Variants in CAPRIN1 observed in about 807,000 individuals in gnomAD.
The protein encoded by CAPRIN1 is caprin-1.
In CAPRIN1, 29 loss-of-function variants were observed where a neutral mutation model predicts 100.9. The observed-to-expected ratio is 0.29, with a 90% confidence interval of 0.21 to 0.39. CAPRIN1 has a LOEUF of 0.39. CAPRIN1 is among the 10% of genes least tolerant of loss of function. The pLI is 1.00. For synonymous variants in CAPRIN1, 338 were observed against 307.5 expected (o/e 1.10, Z -1.04); for missense variants, 795 against 876.7 (o/e 0.91, Z 1.18).
chr11:34,093,646 A>T (rs1851307116), intron 15 of CAPRIN1, among the ~76,000 whole-genome samples: 1 of 152,160 alleles, frequency 6.6e-6, no homozygotes, highest in Admixed American at 6.5e-5. Context: ...ACTCTGATAG[A>T]AGTTATCAGT....
intron 6 of CAPRIN1, among the ~76,000 whole-genome samples, chr11:34,077,783 G>A (rs749748500): frequency 2.0e-4 from 30 of 152,134 alleles, no homozygotes; most frequent in Non-Finnish European, 4.3e-4. Context: ...TTAAGGAAAT[G>A]GGTGCCAGTC....
At chr11:34,069,367 C>T (rs111996408) in intron 2 of CAPRIN1, among the ~76,000 whole-genome samples, 12,959 of 151,982 alleles carry the variant, frequency 0.085, 577 homozygotes, top group African/African-American at 0.092. Flanking sequence ...CCAGGCTGGT[C>T]TTGAACTCAT....
rs1309720008 is a variant in CAPRIN1 at position 34,076,363 on chromosome 11, G to A, written c.494G>A (p.Arg165Gln). The A allele has an allele frequency of 3.7e-6, 6 of 1,614,118 alleles. No individual in the cohort carries two copies. Among genetic ancestry groups the A allele is most frequent in the African/African-American group, 1.3e-5 (1 of 75,030 alleles). The change falls in exon 5 of 19, where the codon CGG (arginine) becomes CAG (glutamine). Residue 165 changes from arginine to glutamine, a missense_variant. By Grantham distance (43) the Arg-to-Gln change is conservative. This residue lies in a region of CAPRIN1 where 648 missense variants were observed against 697.9 expected (regional missense o/e 0.93). Coordinates refer to ENST00000341394, the MANE Select transcript of CAPRIN1 (RefSeq NM_005898.5). ...GACAAATTGGGAGATGATGAAGTGC[G>A]GACTGACCTGAAACAAGGTTTGAAT... The part of the protein sequence containing the change: ...VLDKLGDDEV[R>Q]TDLKQGLNGV...
rs1451280346 is a variant in CAPRIN1, at chr11:34,087,443, C to T, written c.1231+1030C>T. Among the ~76,000 whole-genome samples, 4 of 127,262 alleles carry T rather than the reference C, an allele frequency of 3.1e-5. 1 individual carries two copies. The highest frequency in any genetic ancestry group is 6.8e-5 in the Non-Finnish European group (4 of 59,154). The allele number at this position is 127,262 out of a possible 152,430, so 83.5% of individuals were successfully genotyped here. ...CCGCCTCCCGGGTTCACGCCATTCT[C>T]CTGCCTCAGCCTCCCAAGTAGCTGG... On this transcript the variant is annotated intron_variant, in intron 11 of 18. Coordinates refer to ENST00000341394, the MANE Select transcript of CAPRIN1 (RefSeq NM_005898.5).
chr11:34,091,825 G>A (rs1047733602), intron 14 of CAPRIN1, 81 bp from the exon 15 acceptor site: 4 of 1,311,736 alleles, frequency 3.0e-6, no homozygotes, highest in East Asian at 2.3e-5. Flanking sequence ...TATGTCTGAG[G>A]TAAAACCACC....
intron 2 of CAPRIN1, among the ~76,000 whole-genome samples, chr11:34,069,505 A>T (rs970165436): frequency 6.6e-6 from 1 of 152,138 alleles, no homozygotes; most frequent in Non-Finnish European, 1.5e-5. Context: ...TTTTTATTTT[A>T]AAAATTTTTA....
At chr11:34,081,804 TG>T (rs1398980734) in intron 7 of CAPRIN1, among the ~76,000 whole-genome samples, 1 of 151,488 alleles carries the variant, frequency 6.6e-6, no homozygotes, top group Non-Finnish European at 1.5e-5. Context: ...GGCCTTAAGT[TG>T]AATTCTTTTT....
In CAPRIN1 at chr11:34,102,041, G is replaced by GT. The variant is rs1370086690; in HGVS notation, c.*2682dup. On this transcript the variant is annotated 3_prime_UTR_variant, in exon 19 of 19. Coordinates refer to ENST00000341394, the MANE Select transcript of CAPRIN1 (RefSeq NM_005898.5). ...AATAATTCCTAAAAAATATGGAAAA[G>GT]TTTTTTTTCAATCATTGTACCTTGA... 2.6e-5 allele frequency among the ~76,000 whole-genome samples: 4 copies of GT among 151,916 alleles called. No individual in the cohort carries two copies. Among genetic ancestry groups the GT allele is most frequent in the East Asian group, 1.9e-4 (1 of 5,192 alleles).
intron 7 of CAPRIN1, among the ~76,000 whole-genome samples, chr11:34,082,566 C>T (rs945929261): frequency 6.6e-6 from 1 of 152,118 alleles, no homozygotes; most frequent in East Asian, 1.9e-4. Flanking sequence ...TTACTTTCTA[C>T]CCTCACAGAT....
chr11:34,077,020 C>T (rs944624635), intron 6 of CAPRIN1, among the ~76,000 whole-genome samples: 7 of 152,168 alleles, frequency 4.6e-5, no homozygotes, highest in African/African-American at 1.7e-4. Context: ...CAGGTGTGAG[C>T]CACTGCGCCC....
At chr11:34,075,261 A>T (rs1850883239) in intron 4 of CAPRIN1, among the ~76,000 whole-genome samples, 2 of 151,900 alleles carry the variant, frequency 1.3e-5, no homozygotes, top group Admixed American at 6.6e-5. Context: ...TATAGGTTTC[A>T]TATGTCCCTA....
rs574964732 is a variant in CAPRIN1, at chr11:34,076,977, C to G, written c.688+335C>G. ...CTCGAACTCCTTACCACAAATGATT[C>G]ACCTGCCTGGGCCTCCCAGAGTGCT... On this transcript the variant is annotated intron_variant, in intron 6 of 18. Coordinates refer to ENST00000341394, the MANE Select transcript of CAPRIN1 (RefSeq NM_005898.5). Among the ~76,000 whole-genome samples, 17 of 152,326 alleles carry G rather than the reference C, an allele frequency of 1.1e-4. No individual in the cohort carries two copies. The South Asian group carries it at 1.4e-3, about 13-fold the overall frequency.
intron 9 of CAPRIN1, among the ~76,000 whole-genome samples, chr11:34,083,257 T>C (rs1180980325): frequency 6.6e-6 from 1 of 152,234 alleles, no homozygotes; most frequent in African/African-American, 2.4e-5. Context: ...AAAAAAATTA[T>C]TTTATACAAA....
chr11:34,090,709 G>T (rs1047660063), intron 14 of CAPRIN1, 31 bp downstream of exon 14: 3 of 1,593,622 alleles, frequency 1.9e-6, no homozygotes, highest in Non-Finnish European at 2.6e-6. Flanking sequence ...TAATTGCCTA[G>T]TATGTAATAT....
intron 6 of CAPRIN1, among the ~76,000 whole-genome samples, chr11:34,079,238 G>A (rs1425156453): frequency 1.3e-5 from 2 of 152,080 alleles, no homozygotes; most frequent in African/African-American, 4.8e-5. Context: ...TGCCTCTACT[G>A]AAAATACAAA....
intron 2 of CAPRIN1, among the ~76,000 whole-genome samples, chr11:34,064,352 A>C (rs532889644): frequency 1.3e-5 from 2 of 152,170 alleles, no homozygotes; most frequent in African/African-American, 2.4e-5. Context: ...CCAGTGGACA[A>C]ATTTTCTAGT....
intron 11 of CAPRIN1, among the ~76,000 whole-genome samples, chr11:34,087,030 ACT>A (rs1485092929): frequency 1.3e-5 from 2 of 152,090 alleles, no homozygotes; most frequent in Non-Finnish European, 2.9e-5. Flanking sequence ...ACAGTTTCAG[ACT>A]CTTTCTGGAC....
chr11:34,089,008 C>T (rs1851206219), intron 11 of CAPRIN1, among the ~76,000 whole-genome samples: 1 of 151,952 alleles, frequency 6.6e-6, no homozygotes, highest in South Asian at 2.1e-4. Context: ...GTGGTTCATT[C>T]CTATAATCCC....
At chr11:34,097,613 C>A in intron 17 of CAPRIN1, 85 bp from the exon 18 acceptor site, 1 of 1,463,742 alleles carries the variant, frequency 6.8e-7, no homozygotes, top group Non-Finnish European at 9.5e-7. Context: ...AGGAAGAATT[C>A]TGTATTGAGT....
Sources: allele counts gnomAD v4.1 joint callset (sites outside exome capture counted in the v4.1 genomes callset), GRCh38; gene constraint gnomAD v4.1.1; regional missense constraint gnomAD v4.1.1; transcripts MANE v1.5; gene names NCBI Gene and HGNC (gene_info 2026-07-23, HGNC 2026-07-21).